The following C12orf42 variants were observed in gnomAD, a reference collection of about 807,000 sequenced individuals.
C12orf42 encodes the protein uncharacterized protein C12orf42.
Under a neutral mutation model 21.6 loss-of-function variants are expected in C12orf42, and 25 were observed. The observed-to-expected ratio is 1.16, with a 90% CI of 0.84 to 1.62. C12orf42 has a LOEUF of 1.62. C12orf42 is among the 40% of genes most tolerant of loss of function. The pLI, the probability that C12orf42 is intolerant of heterozygous loss-of-function variation, is 0.00. For synonymous variants in C12orf42, 174 were observed against 175.0 expected (o/e 0.99, Z 0.05); for missense variants, 483 against 459.3 (o/e 1.05, Z -0.47).
chr12:103,063,199 C>T, the C12orf42 span, among the ~76,000 whole-genome samples: 3 of 152,268 alleles, frequency 2.0e-5, no homozygotes, highest in East Asian at 3.9e-4. Flanking sequence ...TTCAGAGATT[C>T]TAATTCCCGG....
chr12:103,310,982 T>C (rs759405259), intron 4 of C12orf42, among the ~76,000 whole-genome samples: 1 of 152,186 alleles, frequency 6.6e-6, no homozygotes, highest in Non-Finnish European at 1.5e-5. Flanking sequence ...AAGCCTGAGG[T>C]ACTTTATACA....
chr12:103,090,991 A>T, the C12orf42 span, among the ~76,000 whole-genome samples: 1 of 152,130 alleles, frequency 6.6e-6, no homozygotes, highest in Non-Finnish European at 1.5e-5. Flanking sequence ...TAAAAAAAAA[A>T]AAAGAATACA....
the C12orf42 span, among the ~76,000 whole-genome samples, chr12:103,512,785 C>T: frequency 6.6e-6 from 1 of 151,920 alleles, no homozygotes; most frequent in Non-Finnish European, 1.5e-5. Context: ...GGGTGGATCA[C>T]GAGGTCAGGA....
rs374166151 is a variant in C12orf42 at position 103,304,806 on chromosome 12, T to C, written c.631+1168A>G. ...CCCAGAAACAAGGGAATCTCTGACA[T>C]AGCCTTTCTGGAAGAAGGTCTCCCA... On this transcript the variant is annotated intron_variant, in intron 5 of 5. Transcript: ENST00000548883. Among the ~76,000 whole-genome samples, 11 of 152,340 alleles carry C rather than the reference T, an allele frequency of 7.2e-5. No homozygotes were observed. The East Asian group carries it at 1.3e-3, about 19-fold the overall frequency.
chr12:103,361,432 AG>A (rs1342104656), intron 4 of C12orf42, among the ~76,000 whole-genome samples: 1 of 151,964 alleles, frequency 6.6e-6, no homozygotes, highest in Non-Finnish European at 1.5e-5. Context: ...TTCCTTGGGG[AG>A]GGCTGCCAGA....
the C12orf42 span, among the ~76,000 whole-genome samples, chr12:103,536,032 T>G: frequency 6.6e-6 from 1 of 152,174 alleles, no homozygotes; most frequent in South Asian, 2.1e-4. Flanking sequence ...CCTCCTGCCT[T>G]GACCTCCCAA....
At chr12:103,162,378 C>T in the C12orf42 span, among the ~76,000 whole-genome samples, 1 of 152,024 alleles carries the variant, frequency 6.6e-6, no homozygotes, top group African/African-American at 2.4e-5. Flanking sequence ...TGCTCAGGTC[C>T]AAATCCCCTG....
At chr12:103,414,993 G>T (rs1439381643) in intron 2 of C12orf42, among the ~76,000 whole-genome samples, 1 of 152,000 alleles carries the variant, frequency 6.6e-6, no homozygotes, top group African/African-American at 2.4e-5. Context: ...AAAAGATAAG[G>T]CTCAACCATC....
Position 103,294,583 on chromosome 12 carries a change from G to GGAAGGAAGGAAAGAAAGAAA in C12orf42, n.338-17374_338-17373insTTTCTTTCTTTCCTTCCTTC, listed in dbSNP as rs1300203895. Among the ~76,000 whole-genome samples, 6 of 80,356 alleles carry GGAAGGAAGGAAAGAAAGAAA rather than the reference G, an allele frequency of 7.5e-5. No homozygotes were observed. The East Asian group carries it at 9.9e-4, about 13-fold the overall frequency. The allele number at this position is 80,356 out of a possible 152,430, so 52.7% of individuals were successfully genotyped here. A position where few individuals can be genotyped will look rare whatever the true frequency, so the allele number is the denominator to read the frequency against. The stretch of plus-strand genomic sequence containing the variant: ...AAAGAAAAAGAAAGGAAGGAAGGAA[G>GGAAGGAAGGAAAGAAAGAAA]GAAAGAAAGAAAGAAAGAAAGAAAG... On this transcript the variant is annotated intron_variant and non_coding_transcript_variant, in intron 4 of 6. Transcript: ENST00000546526.
intron 2 of C12orf42, among the ~76,000 whole-genome samples, chr12:103,411,629 G>T (rs773061941): frequency 3.3e-5 from 5 of 152,182 alleles, no homozygotes; most frequent in Admixed American, 3.3e-4. Context: ...AGCCAGGGGA[G>T]CTTGTTATCT....
the C12orf42 span, among the ~76,000 whole-genome samples, chr12:103,202,677 T>C: frequency 0.28 from 42,436 of 152,136 alleles, 6,990 homozygotes; most frequent in Non-Finnish European, 0.37. Flanking sequence ...GCATTGCTTC[T>C]GTCTGGTGGA....
the C12orf42 span, among the ~76,000 whole-genome samples, chr12:103,227,507 G>A: frequency 6.6e-6 from 1 of 152,074 alleles, no homozygotes. Flanking sequence ...AGGGATTGGG[G>A]GTTCTTGCCC....
the C12orf42 span, among the ~76,000 whole-genome samples, chr12:103,520,842 C>T: frequency 6.6e-6 from 1 of 152,228 alleles, no homozygotes; most frequent in African/African-American, 2.4e-5. Flanking sequence ...TCCTGCCTCC[C>T]TGTTACTACA....
intron 10 of C12orf42, among the ~76,000 whole-genome samples, chr12:103,258,798 G>T (rs1360929116): frequency 2.0e-5 from 3 of 151,932 alleles, no homozygotes; most frequent in African/African-American, 4.8e-5. Flanking sequence ...TTTTAATGAA[G>T]AAAAAATCAA....
chr12:103,306,024 C>G lies in C12orf42; in HGVS notation c.581G>C (p.Arg194Thr). ...HLEAQGIHIS[R>T]HTRPKGQPLS... ...GGGCTGGCCCTTAGGTCTTGTGTGT[C>G]TACTGATGTGTATGCCCTGAGCCTC... The change falls in exon 5 of 6, where the codon AGA (arginine) becomes ACA (threonine). Residue 194 changes from arginine (R) to threonine (T), a missense_variant. Physicochemically the swap from Arg to Thr is moderately conservative, Grantham distance 71 (BLOSUM62 -1). Transcript: ENST00000548883. 6.2e-7 allele frequency: 1 copy of G among 1,613,896 alleles called. No homozygotes were observed. Among genetic ancestry groups the G allele is most frequent in the Non-Finnish European group, 8.5e-7 (1 of 1,179,802 alleles).
At chr12:103,230,824 CAT>C in the C12orf42 span, among the ~76,000 whole-genome samples, 2 of 152,068 alleles carry the variant, frequency 1.3e-5, no homozygotes, top group Admixed American at 1.3e-4. Context: ...TTATATTAAA[CAT>C]AATTTTTAAA....
chr12:103,089,141 C>G, the C12orf42 span, among the ~76,000 whole-genome samples: 2 of 147,072 alleles, frequency 1.4e-5, no homozygotes, highest in African/African-American at 2.5e-5. Flanking sequence ...ACTCGGCAAC[C>G]CCTTGAGTGT....
intron 4 of C12orf42, chr12:103,349,153 AAG>A (rs2137413873): frequency 6.6e-6 from 1 of 152,314 alleles, no homozygotes; most frequent in Admixed American, 6.5e-5. Flanking sequence ...AACTTCTGAG[AAG>A]AGTCTGCTCA....
the C12orf42 span, among the ~76,000 whole-genome samples, chr12:103,203,917 T>C: frequency 6.6e-6 from 1 of 152,160 alleles, no homozygotes; most frequent in African/African-American, 2.4e-5. Flanking sequence ...AGAAATTTAT[T>C]TTTGATAGGA....
Sources: gnomAD v4.1 joint callset for allele counts (sites outside exome capture counted in the v4.1 genomes callset) on GRCh38, gnomAD v4.1.1 for gene constraint, MANE v1.5 for transcripts, NCBI Gene and HGNC (gene_info 2026-07-23, HGNC 2026-07-21) for gene names.